Variants in ATP11A observed in about 807,000 individuals in gnomAD.
ATP11A encodes the protein phospholipid-transporting ATPase IH.
In ATP11A, 81 loss-of-function variants were observed where a neutral mutation model predicts 154.4. That is an observed-to-expected ratio of 0.52 (90% confidence interval 0.44 to 0.63). The LOEUF (loss-of-function observed/expected upper bound fraction) is 0.63, where lower values mean the gene tolerates loss of function less well. Ranked by LOEUF, ATP11A falls within the 30% of genes least tolerant of loss-of-function variation. The pLI, the probability that ATP11A is intolerant of heterozygous loss-of-function variation, is 0.00. For synonymous variants in ATP11A, 623 were observed against 585.9 expected (o/e 1.06, Z -0.91); for missense variants, 1,316 against 1,474.3 (o/e 0.89, Z 1.76).
chr13:112,809,570 C>G (rs2078429745), intron 4 of ATP11A, among the ~76,000 whole-genome samples: 2 of 152,046 alleles, frequency 1.3e-5, no homozygotes, highest in African/African-American at 4.8e-5. Flanking sequence ...ATGCAGTGGG[C>G]CCGTGGCACA....
At chr13:112,873,184 T>G (rs9549586) in intron 26 of ATP11A, among the ~76,000 whole-genome samples, 28 of 145,184 alleles carry the variant, frequency 1.9e-4, no homozygotes, top group African/African-American at 3.9e-4. Flanking sequence ...TTTGTCTTCC[T>G]GAGCGGTGTG....
At position 112,862,551 on chromosome 13, in the gene ATP11A, T is replaced by C. The variant is rs780164965; in HGVS notation, c.2967T>C (p.Asn989=). ...FFFGAYFVFE[N]TTVTSNGQIF... ...TTGGTGCTTATTTCGTGTTTGAAAA[T>C]ACAACTGTGACAAGCAACGGGCAGG... Residue 989 remains asparagine (N), a synonymous_variant, in exon 25 of 30, where the codon AAT becomes AAC. Transcript: ENST00000375645. 15 of 1,614,166 alleles carry C rather than the reference T, an allele frequency of 9.3e-6. No individual in the cohort carries two copies. The highest frequency in any genetic ancestry group is 3.3e-4 in the Middle Eastern group (2 of 6,060).
At chr13:112,732,699 C>A (rs992556921) in intron 1 of ATP11A, among the ~76,000 whole-genome samples, 21 of 152,216 alleles carry the variant, frequency 1.4e-4, no homozygotes, top group Non-Finnish European at 2.9e-4. Flanking sequence ...GCAACCTCCC[C>A]CTCCCAGGTT....
intron 1 of ATP11A, among the ~76,000 whole-genome samples, chr13:112,779,129 C>T (rs1467832796): frequency 2.9e-5 from 1 of 34,392 alleles, no homozygotes; most frequent in Non-Finnish European, 5.6e-5. Flanking sequence ...AGTGAGTAGC[C>T]GCTGGAGTGA....
At chr13:112,836,051 T>C in intron 15 of ATP11A, 127 bp from the exon 16 acceptor site, 1 of 601,214 alleles carries the variant, frequency 1.7e-6, no homozygotes, top group South Asian at 2.6e-5. Flanking sequence ...CCAGCAGCCC[T>C]CTGTGTGTCC....
intron 8 of ATP11A, among the ~76,000 whole-genome samples, chr13:112,822,089 T>C (rs1356500755): frequency 6.6e-6 from 1 of 152,206 alleles, no homozygotes; most frequent in African/African-American, 2.4e-5. Context: ...ATTCAGTAGG[T>C]TCTTAATTTT....
chr13:112,863,694 A>G (rs1183212360), intron 25 of ATP11A, among the ~76,000 whole-genome samples: 60 of 118,854 alleles, frequency 5.0e-4, no homozygotes, highest in Admixed American at 7.6e-4. Flanking sequence ...AATTCAGTGC[A>G]GGCCTGCGCA....
chr13:112,851,276 C>G, intron 18 of ATP11A, 58 bp downstream of exon 18: 4 of 1,561,824 alleles, frequency 2.6e-6, no homozygotes, highest in South Asian at 1.2e-5. Context: ...GGCCGACGGC[C>G]CAGGGCGTGT....
In ATP11A at chr13:112,704,864, G is replaced by A. The variant is rs147069924; in HGVS notation, c.39+14409G>A. ...CCAGTAGAATGCCATCTAGATTTTG[G>A]TGTGGTTTTCCAAGGTCTCAGATTG... On this transcript the variant is annotated intron_variant, in intron 1 of 29. Transcript: ENST00000375645. Among the ~76,000 whole-genome samples, 103 of 152,368 alleles carry A rather than the reference G, an allele frequency of 6.8e-4. No homozygotes were observed. In the East Asian group the frequency reaches 0.019, roughly 28 times the overall value.
chr13:112,744,711 G>A (rs1289385362), intron 1 of ATP11A, among the ~76,000 whole-genome samples: 2 of 152,152 alleles, frequency 1.3e-5, no homozygotes, highest in Non-Finnish European at 2.9e-5. Context: ...CCTCCTGGTC[G>A]ACTCTTAGTC....
intron 1 of ATP11A, among the ~76,000 whole-genome samples, chr13:112,742,023 C>T (rs1330509447): frequency 1.3e-5 from 2 of 151,434 alleles, no homozygotes; most frequent in African/African-American, 4.9e-5. Flanking sequence ...CAGAAGAGTG[C>T]TCCCCTTCCC....
chr13:112,745,808 C>T (rs2139777237), intron 1 of ATP11A: 1 of 152,290 alleles, frequency 6.6e-6, no homozygotes, highest in Middle Eastern at 3.4e-3. Context: ...ACCATCATAG[C>T]CATGTTAAGT....
chr13:112,833,967 C>A (rs755078326), intron 14 of ATP11A, among the ~76,000 whole-genome samples: 1 of 152,354 alleles, frequency 6.6e-6, no homozygotes, highest in East Asian at 1.9e-4. Flanking sequence ...CCCCTGGTGC[C>A]GCGAAGCACG....
chr13:112,848,941 G>A (rs1303214736), intron 17 of ATP11A, among the ~76,000 whole-genome samples: 1 of 152,214 alleles, frequency 6.6e-6, no homozygotes, highest in Non-Finnish European at 1.5e-5. Context: ...GCCCACCTCA[G>A]CCTCCCAAAG....
At chr13:112,819,792 G>C in intron 7 of ATP11A, 108 bp from the exon 8 acceptor site, 2 of 1,165,234 alleles carry the variant, frequency 1.7e-6, no homozygotes, top group Non-Finnish European at 2.5e-6. Context: ...CGCACACGGA[G>C]CGGGCCAGGT....
rs149474566 is a variant in ATP11A, at chr13:112,837,294, G to A, written c.1705+1043G>A. 1.4e-4 allele frequency among the ~76,000 whole-genome samples: 22 copies of A among 152,324 alleles called. 1 individual carries two copies. In the East Asian group the frequency reaches 2.5e-3, roughly 17 times the overall value. ...GTGGCCTTGTTCCCCGCTTCCTGCC[G>A]TGGGCTTTCCCATAGGAAGGGCCTT... On this transcript the variant is annotated intron_variant, in intron 16 of 29. Transcript: ENST00000375645.
chr13:112,768,379 G>A (rs1027849357), intron 1 of ATP11A, among the ~76,000 whole-genome samples: 1 of 152,230 alleles, frequency 6.6e-6, no homozygotes, highest in African/African-American at 2.4e-5. Context: ...CATCCCTATG[G>A]TGGAGTCTCA....
Position 112,860,347 on chromosome 13 carries a change from C to T in ATP11A, c.2788C>T (p.Leu930Phe), listed in dbSNP as rs754654177. 1 of 1,614,202 alleles carries T rather than the reference C, an allele frequency of 6.2e-7. No individual in the cohort carries two copies. Among genetic ancestry groups the T allele is most frequent in the Admixed American group, 1.7e-5 (1 of 60,032 alleles). The change falls in exon 24 of 30, where the codon CTC becomes TTC. Residue 930 changes from leucine to phenylalanine, a missense_variant. Leu to Phe is a conservative substitution (Grantham distance 22). Around this residue, in one of 5 missense-constraint regions of ATP11A, gnomAD observed 294 missense variants for 290.2 expected, o/e 1.01. Transcript: ENST00000375645. The stretch of plus-strand genomic sequence containing the variant: ...CATCAGCTTCACCTCCCTCCCCATC[C>T]TCCTGTACAGCCTCATGGAGCAGCA... ...YNISFTSLPI[L>F]LYSLMEQHVG...
chr13:112,710,280 C>T (rs1217835228), intron 1 of ATP11A, among the ~76,000 whole-genome samples: 4 of 152,116 alleles, frequency 2.6e-5, no homozygotes, highest in Non-Finnish European at 4.4e-5. Context: ...GCATCGTGTT[C>T]GCAAAGCCAG....
Sources: allele counts gnomAD v4.1 joint callset (sites outside exome capture counted in the v4.1 genomes callset), GRCh38; gene constraint gnomAD v4.1.1; regional missense constraint gnomAD v4.1.1; transcripts MANE v1.5; gene names NCBI Gene and HGNC (gene_info 2026-07-23, HGNC 2026-07-21).